CDH13: variants seen among roughly 807,000 people sequenced by gnomAD.
The protein encoded by CDH13 is cadherin 13.
CDH13 carries 24 observed loss-of-function variants against 63.8 expected under a neutral mutation model. That is an observed-to-expected ratio of 0.38 (90% CI 0.27 to 0.53). CDH13 has a LOEUF of 0.53. Among genes scored for constraint, CDH13 ranks in the 20% least tolerant of loss-of-function variants. The pLI is 0.85. For missense variants in CDH13, 1,049 were observed against 903.1 expected (o/e 1.16, Z -2.07); for synonymous variants, 503 against 355.3 (o/e 1.42, Z -4.67).
intron 4 of CDH13, among the ~76,000 whole-genome samples, chr16:83,151,084 C>T (rs1597424356): frequency 1.3e-5 from 2 of 152,114 alleles, no homozygotes; most frequent in Admixed American, 1.3e-4. Flanking sequence ...TGTTCCCATA[C>T]CACTCAACCT....
At chr16:83,355,897 T>TGTAC (rs1162109418) in intron 6 of CDH13, among the ~76,000 whole-genome samples, 5 of 152,196 alleles carry the variant, frequency 3.3e-5, no homozygotes, top group African/African-American at 1.2e-4. Context: ...AGCACTATTA[T>TGTAC]GTACTGGATA....
At chr16:83,334,319 TATCTCC>T in intron 5 of CDH13, among the ~76,000 whole-genome samples, 1 of 147,176 alleles carries the variant, frequency 6.8e-6, no homozygotes. Context: ...CCTCTCTCCC[TATCTCC>T]CTCTCTCCCT....
intron 3 of CDH13, among the ~76,000 whole-genome samples, chr16:83,041,728 A>G (rs936966233): frequency 2.6e-5 from 4 of 152,206 alleles, no homozygotes; most frequent in Non-Finnish European, 5.9e-5. Flanking sequence ...TCAGAAACGA[A>G]TCACACATTT....
At chr16:83,473,666 C>T (rs573230943) in intron 6 of CDH13, among the ~76,000 whole-genome samples, 56 of 152,300 alleles carry the variant, frequency 3.7e-4, no homozygotes, top group Non-Finnish European at 6.6e-4. Flanking sequence ...CCTCAATAGC[C>T]ACTCTGTAGG....
intron 6 of CDH13, among the ~76,000 whole-genome samples, chr16:83,394,641 G>T (rs930812108): frequency 1.3e-5 from 2 of 152,210 alleles, no homozygotes; most frequent in East Asian, 3.9e-4. Flanking sequence ...GACCTGACTT[G>T]CATTTTATAG....
At chr16:83,683,469 G>T (rs1333266170) in intron 10 of CDH13, among the ~76,000 whole-genome samples, 1 of 152,086 alleles carries the variant, frequency 6.6e-6, no homozygotes, top group Non-Finnish European at 1.5e-5. Flanking sequence ...ACCAAAATTG[G>T]CTTGCATTAT....
At position 82,662,787 on chromosome 16, in the gene CDH13, C is replaced by G. The variant is rs373681783; in HGVS notation, c.45+35650C>G. Among the ~76,000 whole-genome samples, 142 of 152,298 alleles carry G rather than the reference C, an allele frequency of 9.3e-4. 1 individual carries two copies. The highest frequency in any genetic ancestry group is 3.4e-3 in the African/African-American group (141 of 41,558). ...CTTAAACAACCACCAGTATGTGTCC[C>G]TCTGGGAGGGCTTCTCTGCCATTTA... On this transcript the variant is annotated intron_variant, in intron 1 of 13. Coordinates refer to ENST00000567109, the MANE Select transcript of CDH13 (RefSeq NM_001257.5).
intron 8 of CDH13, among the ~76,000 whole-genome samples, chr16:83,663,959 A>G (rs1291515931): frequency 6.6e-6 from 1 of 151,768 alleles, no homozygotes; most frequent in African/African-American, 2.4e-5. Flanking sequence ...TAAGAGTTTG[A>G]GACCAGCCTG....
intron 1 of CDH13, among the ~76,000 whole-genome samples, chr16:82,850,740 A>C (rs286671): frequency 1.3e-5 from 2 of 152,138 alleles, no homozygotes; most frequent in Admixed American, 1.3e-4. Flanking sequence ...CCCAACCTTC[A>C]CAACCGCCAC....
intron 3 of CDH13, among the ~76,000 whole-genome samples, chr16:83,033,284 A>G (rs1261852592): frequency 1.3e-5 from 2 of 151,734 alleles, no homozygotes; most frequent in Non-Finnish European, 2.9e-5. Flanking sequence ...ATATATGTAT[A>G]TGTAATTGTT....
intron 5 of CDH13, among the ~76,000 whole-genome samples, chr16:83,343,259 T>A (rs1165642713): frequency 6.6e-6 from 1 of 152,204 alleles, no homozygotes; most frequent in Non-Finnish European, 1.5e-5. Context: ...TTGTAGGTCA[T>A]GTATGATGAT....
intron 10 of CDH13, among the ~76,000 whole-genome samples, chr16:83,707,905 T>C (rs1259613023): frequency 6.8e-6 from 1 of 148,020 alleles, no homozygotes; most frequent in African/African-American, 2.5e-5. Context: ...ATACTTTATT[T>C]TCCTTCTACC....
chr16:83,049,811 G>A (rs2030088877), intron 3 of CDH13, among the ~76,000 whole-genome samples: 1 of 152,124 alleles, frequency 6.6e-6, no homozygotes, highest in Admixed American at 6.6e-5. Context: ...ACCAACCTGT[G>A]TGCAAATGTA....
At chr16:82,671,853 C>T (rs1389855812) in intron 1 of CDH13, among the ~76,000 whole-genome samples, 4 of 152,086 alleles carry the variant, frequency 2.6e-5, no homozygotes, top group Non-Finnish European at 5.9e-5. Context: ...CAGATATGTC[C>T]AAGAATAAAG....
intron 5 of CDH13, among the ~76,000 whole-genome samples, chr16:83,253,431 C>T (rs985882152): frequency 6.6e-6 from 1 of 152,160 alleles, no homozygotes; most frequent in Admixed American, 6.5e-5. Flanking sequence ...TAAGAAGCAG[C>T]CAGTGTCCAA....
intron 5 of CDH13, among the ~76,000 whole-genome samples, chr16:83,222,373 T>A (rs186907704): frequency 4.4e-4 from 67 of 152,330 alleles, no homozygotes; most frequent in African/African-American, 1.6e-3. Flanking sequence ...CATCTGTAGC[T>A]CCATGACAAT....
chr16:83,794,942 G>T, intron 13 of CDH13, 81 bp from the exon 14 acceptor site: 1 of 1,315,836 alleles, frequency 7.6e-7, no homozygotes. Flanking sequence ...TACCTTGCCT[G>T]TCATTTTTCT....
intron 1 of CDH13, among the ~76,000 whole-genome samples, chr16:82,791,688 C>T (rs759869622): frequency 6.6e-6 from 1 of 152,196 alleles, no homozygotes; most frequent in Non-Finnish European, 1.5e-5. Context: ...CCTGATCCAG[C>T]GAGGCTCCCA....
chr16:82,719,571 C>T (rs1009364073), intron 1 of CDH13: 62 of 386,192 alleles, frequency 1.6e-4, no homozygotes, highest in Middle Eastern at 1.0e-3. Flanking sequence ...TTAGGATGGG[C>T]GCAGTGGCTT....
Sources: allele counts gnomAD v4.1 joint callset (sites outside exome capture counted in the v4.1 genomes callset), GRCh38; gene constraint gnomAD v4.1.1; transcripts MANE v1.5; gene names NCBI Gene and HGNC (gene_info 2026-07-23, HGNC 2026-07-21).